Variants in MCC observed in about 807,000 individuals in gnomAD.
The protein encoded by MCC is MCC regulator of Wnt signaling pathway, also known as colorectal mutant cancer protein.
A neutral mutation model predicts 116.2 loss-of-function variants in MCC; 90 were observed. That is an observed-to-expected ratio of 0.77 (90% CI 0.65 to 0.92). The LOEUF (loss-of-function observed/expected upper bound fraction) is 0.92. Among genes scored for constraint, MCC ranks in the 40% least tolerant of loss-of-function variants. The pLI is 0.00. For synonymous variants in MCC, 578 were observed against 510.5 expected (o/e 1.13, Z -1.78); for missense variants, 1,516 against 1,312.2 (o/e 1.16, Z -2.40).
At chr5:113,381,955 G>T (rs1769135418) in intron 2 of MCC, among the ~76,000 whole-genome samples, 1 of 152,204 alleles carries the variant, frequency 6.6e-6, no homozygotes, top group African/African-American at 2.4e-5. Context: ...AGTATAGCTA[G>T]CATGAAGGAG....
At chr5:113,144,564 A>G (rs1363320379) in intron 4 of MCC, among the ~76,000 whole-genome samples, 1 of 152,214 alleles carries the variant, frequency 6.6e-6, no homozygotes, top group Non-Finnish European at 1.5e-5. Flanking sequence ...GGCATAACCC[A>G]GGGCAGGGAC....
rs780077747 is a variant in MCC, at chr5:113,384,988, G to C, written c.395C>G (p.Thr132Arg). The stretch of plus-strand genomic sequence containing the variant: ...CCTACCCAAACTGTTGTCACTGCTC[G>C]TGGGCCAGGAAGCAATTCTATCCCT... ...KLRDRIASWP[T>R]SSDNSLGALS... The change falls in exon 2 of 19, where the codon ACG becomes AGG. Residue 132 changes from threonine to arginine, a missense_variant. Coordinates refer to ENST00000408903, the MANE Select transcript of MCC (RefSeq NM_001085377.2). 1 of 1,614,190 alleles carries C rather than the reference G, an allele frequency of 6.2e-7. No homozygotes were observed. The highest frequency in any genetic ancestry group is 8.5e-7 in the Non-Finnish European group (1 of 1,180,028).
At chr5:113,436,979 T>C (rs1346006612) in intron 1 of MCC, 1 of 152,058 alleles carries the variant, frequency 6.6e-6, no homozygotes, top group African/African-American at 2.4e-5. Flanking sequence ...CTCCCTAAAA[T>C]GTATAAAACC....
At chr5:113,301,873 T>C (rs1315225357) in intron 3 of MCC, among the ~76,000 whole-genome samples, 1 of 152,226 alleles carries the variant, frequency 6.6e-6, no homozygotes, top group Non-Finnish European at 1.5e-5. Flanking sequence ...AGCCAAATCG[T>C]GCAGAATATG....
intron 12 of MCC, among the ~76,000 whole-genome samples, 179 bp downstream of exon 12, chr5:113,070,915 C>T (rs1490562098): frequency 6.6e-6 from 1 of 152,150 alleles, no homozygotes; most frequent in East Asian, 1.9e-4. Flanking sequence ...GAGAAATATA[C>T]CTGTTTACTA....
chr5:113,421,160 G>C (rs1319589197), intron 1 of MCC, among the ~76,000 whole-genome samples: 2 of 151,998 alleles, frequency 1.3e-5, no homozygotes, highest in Non-Finnish European at 2.9e-5. Flanking sequence ...AAGTAGCTGA[G>C]ACTACAGGCA....
intron 3 of MCC, among the ~76,000 whole-genome samples, chr5:113,217,020 T>C (rs983594711): frequency 5.3e-5 from 8 of 152,256 alleles, no homozygotes; most frequent in Non-Finnish European, 1.0e-4. Context: ...GCCTTAAGGC[T>C]CCAAGTACAC....
intron 1 of MCC, among the ~76,000 whole-genome samples, chr5:113,464,257 A>G (rs1309510871): frequency 6.6e-6 from 1 of 152,214 alleles, no homozygotes; most frequent in African/African-American, 2.4e-5. Flanking sequence ...ACTAAAAGCC[A>G]AAGTCCTCAC....
chr5:113,390,502 G>C (rs931001094), intron 1 of MCC, among the ~76,000 whole-genome samples: 1 of 152,084 alleles, frequency 6.6e-6, no homozygotes, highest in Non-Finnish European at 1.5e-5. Flanking sequence ...AAAACTGCAT[G>C]GTTTCACAAT....
intron 3 of MCC, among the ~76,000 whole-genome samples, chr5:113,193,541 G>A (rs190190341): frequency 6.6e-6 from 1 of 152,230 alleles, no homozygotes; most frequent in African/African-American, 2.4e-5. Context: ...CTAACGTTAA[G>A]CCTAGGAATT....
chr5:113,338,053 T>C (rs1212661730), intron 3 of MCC, among the ~76,000 whole-genome samples: 1 of 152,156 alleles, frequency 6.6e-6, no homozygotes, highest in Non-Finnish European at 1.5e-5. Context: ...GATGAAGAAC[T>C]GGGGCCCAAA....
chr5:113,150,431 C>T (rs1334267934), intron 4 of MCC, among the ~76,000 whole-genome samples: 1 of 151,928 alleles, frequency 6.6e-6, no homozygotes, highest in African/African-American at 2.4e-5. Flanking sequence ...ACAAAATCCC[C>T]CAAACAAAAA....
intron 11 of MCC, among the ~76,000 whole-genome samples, chr5:113,071,968 T>C (rs1276465911): frequency 6.6e-6 from 1 of 152,192 alleles, no homozygotes. Context: ...CATTGGGAAC[T>C]TGAAGTTTTA....
Position 113,434,062 on chromosome 5 carries a change from G to T in MCC, c.171-48850C>A, listed in dbSNP as rs1011960242. ...CTGAGGATCTCGTCGATGTGGAGCC[G>T]CCGGTTGACGTCGGGCTGCAGCATG... On this transcript the variant is annotated intron_variant, in intron 1 of 18. Transcript: ENST00000408903. This position sits in a 1 kb window ranked among gnomAD's most constrained non-coding sequence, Gnocchi z 4.2. 6 of 1,614,014 alleles carry T rather than the reference G, an allele frequency of 3.7e-6. No homozygotes were observed. In the African/African-American group the frequency reaches 5.3e-5, roughly 14 times the overall value.
chr5:113,076,090 G>A (rs1302840496), intron 11 of MCC, among the ~76,000 whole-genome samples: 6 of 152,300 alleles, frequency 3.9e-5, no homozygotes, highest in Middle Eastern at 3.4e-3. Context: ...CACTCACTGC[G>A]AGGGTCCACG....
At chr5:113,054,006 G>A in intron 14 of MCC, 47 bp from the exon 15 acceptor site, 1 of 1,362,382 alleles carries the variant, frequency 7.3e-7, no homozygotes, top group Non-Finnish European at 1.0e-6. Context: ...GTTATTCCAA[G>A]TCATGGCAAA....
chr5:113,096,961 C>T (rs1756063220), intron 8 of MCC, among the ~76,000 whole-genome samples: 1 of 152,140 alleles, frequency 6.6e-6, no homozygotes, highest in Admixed American at 6.5e-5. Context: ...TAGATGACAG[C>T]TGGGGAGAGC....
rs118091787 is a variant in MCC at position 113,463,630 on chromosome 5, T to C, written c.170+24615A>G. On this transcript the variant is annotated intron_variant, in intron 1 of 18. Transcript: ENST00000408903. ...TTTTGTGGGAAGAATCCTGAATCCA[T>C]TGTTGGACTTGTGGAGTTTAAAATG... 2.3e-3 allele frequency among the ~76,000 whole-genome samples: 353 copies of C among 152,214 alleles called. 10 individuals carry two copies. In the East Asian group the frequency reaches 0.06, roughly 26 times the overall value.
chr5:113,079,428 C>A (rs1419007529), intron 11 of MCC, among the ~76,000 whole-genome samples: 5 of 152,166 alleles, frequency 3.3e-5, no homozygotes, highest in African/African-American at 4.8e-5. Flanking sequence ...CCACAGTAAC[C>A]AAAACAGCAT....
Sources: gnomAD v4.1 joint callset for allele counts (sites outside exome capture counted in the v4.1 genomes callset) on GRCh38, gnomAD v4.1.1 for gene constraint, Gnocchi (gnomAD v3.1) non-coding constraint, MANE v1.5 for transcripts, NCBI Gene and HGNC (gene_info 2026-07-23, HGNC 2026-07-21) for gene names.